Variants in TPTE observed in about 807,000 individuals in gnomAD.
TPTE encodes putative tyrosine-protein phosphatase TPTE.
A neutral mutation model predicts 84.1 loss-of-function variants in TPTE; 59 were observed. That is an observed-to-expected ratio of 0.70 (90% CI 0.57 to 0.87). TPTE has a LOEUF of 0.87. Ranked by LOEUF, TPTE falls within the 40% of genes least tolerant of loss-of-function variation. The pLI, the probability that TPTE is intolerant of heterozygous loss-of-function variation, is 0.00. For synonymous variants in TPTE, 130 were observed against 223.5 expected (o/e 0.58, Z 3.73); for missense variants, 382 against 659.6 (o/e 0.58, Z 4.61).
chr21:10,582,109 G>T (rs1336035690), intron 17 of TPTE, among the ~76,000 whole-genome samples: 1 of 152,426 alleles, frequency 6.6e-6, no homozygotes, highest in African/African-American at 2.4e-5. Context: ...TTTCTGTCAT[G>T]TTTATGAAAT....
At chr21:10,581,213 C>T (rs1364893903) in intron 17 of TPTE, among the ~76,000 whole-genome samples, 1 of 152,312 alleles carries the variant, frequency 6.6e-6, no homozygotes, top group African/African-American at 2.4e-5. Context: ...ATTTACAGTA[C>T]CATACTTAAG....
At chr21:10,532,033 T>C (rs1450364600) in intron 3 of TPTE, among the ~76,000 whole-genome samples, 1 of 152,310 alleles carries the variant, frequency 6.6e-6, no homozygotes, top group African/African-American at 2.4e-5. Flanking sequence ...TACACCTTTT[T>C]TTATTAGCAT....
chr21:10,564,827 A>C (rs572699731), intron 10 of TPTE, among the ~76,000 whole-genome samples: 302 of 152,294 alleles, frequency 2.0e-3, no homozygotes, highest in African/African-American at 6.8e-3. Context: ...CCCTAAAAAA[A>C]CTGGGTATAG....
chr21:10,533,505 C>CA (rs1448439234), intron 3 of TPTE, among the ~76,000 whole-genome samples: 1 of 152,310 alleles, frequency 6.6e-6, no homozygotes, highest in African/African-American at 2.4e-5. Flanking sequence ...TTTGTGAACT[C>CA]AGATTTTTTG....
At chr21:10,571,172 T>A (rs1345084520) in intron 14 of TPTE, among the ~76,000 whole-genome samples, 1 of 152,312 alleles carries the variant, frequency 6.6e-6, no homozygotes, top group Non-Finnish European at 1.5e-5. Context: ...ATGATGGCTC[T>A]CACAACAAGA....
intron 2 of TPTE, among the ~76,000 whole-genome samples, chr21:10,526,166 T>C (rs1235317312): frequency 1.3e-5 from 2 of 152,312 alleles, no homozygotes; most frequent in Non-Finnish European, 2.9e-5. Context: ...GTTATTGTTT[T>C]TCCTGAGACC....
At chr21:10,571,716 A>G (rs111825293) in intron 14 of TPTE, among the ~76,000 whole-genome samples, 11,272 of 139,162 alleles carry the variant, frequency 0.081, 9 homozygotes, top group African/African-American at 0.23. Context: ...AAATAAAAAT[A>G]CAATCAAGAG....
At chr21:10,545,818 T>G (rs1242646329) in intron 7 of TPTE, among the ~76,000 whole-genome samples, 1 of 151,702 alleles carries the variant, frequency 6.6e-6, no homozygotes, top group Non-Finnish European at 1.5e-5. Flanking sequence ...TGTGTATATA[T>G]ATCTATATAT....
At chr21:10,545,300 G>A (rs1409693807) in intron 7 of TPTE, among the ~76,000 whole-genome samples, 14 of 152,306 alleles carry the variant, frequency 9.2e-5, no homozygotes, top group Admixed American at 9.2e-4. Context: ...TAGTTTGTTT[G>A]TTAAGGCCCA....
At chr21:10,587,044 TTTAGTGAATGC>T in intron 17 of TPTE, among the ~76,000 whole-genome samples, 1 of 152,416 alleles carries the variant, frequency 6.6e-6, no homozygotes, top group Middle Eastern at 3.4e-3. Context: ...CAGGCTGAAT[TTTAGTGAATGC>T]TTTTTCCTGC....
At chr21:10,576,855 A>ATATG in intron 14 of TPTE, among the ~76,000 whole-genome samples, 3 of 64,790 alleles carry the variant, frequency 4.6e-5, no homozygotes, top group Non-Finnish European at 8.1e-5. Flanking sequence ...ATATATATAT[A>ATATG]TATATATATA....
At chr21:10,580,187 A>G (rs565976286) in intron 17 of TPTE, among the ~76,000 whole-genome samples, 1 of 152,430 alleles carries the variant, frequency 6.6e-6, no homozygotes, top group East Asian at 1.9e-4. Flanking sequence ...TTCTTTGCCC[A>G]TTTTCTAGAG....
At chr21:10,530,704 T>C (rs556033240) in intron 3 of TPTE, among the ~76,000 whole-genome samples, 85 of 152,398 alleles carry the variant, frequency 5.6e-4, no homozygotes, top group African/African-American at 1.8e-3. Flanking sequence ...GGCCATGGGA[T>C]TGCATATTTT....
intron 7 of TPTE, among the ~76,000 whole-genome samples, chr21:10,552,117 G>T (rs1166859039): frequency 6.6e-6 from 1 of 152,312 alleles, no homozygotes; most frequent in African/African-American, 2.4e-5. Flanking sequence ...AGCAAAAGGT[G>T]ATCATTAGCA....
intron 7 of TPTE, among the ~76,000 whole-genome samples, chr21:10,548,113 C>T (rs2074503744): frequency 6.6e-6 from 1 of 152,304 alleles, no homozygotes; most frequent in Non-Finnish European, 1.5e-5. Flanking sequence ...AGCAGGCACA[C>T]CACCGAGTGG....
intron 1 of TPTE, among the ~76,000 whole-genome samples, chr21:10,522,981 C>T (rs1185111213): frequency 7.5e-4 from 114 of 152,272 alleles, no homozygotes; most frequent in Non-Finnish European, 1.4e-3. Flanking sequence ...ATGAGTTATG[C>T]CCCCAAGTCC....
At chr21:10,522,905 A>G (rs1357446145) in intron 1 of TPTE, among the ~76,000 whole-genome samples, 4 of 152,298 alleles carry the variant, frequency 2.6e-5, no homozygotes, top group Non-Finnish European at 4.4e-5. Flanking sequence ...TAGCGAGAAT[A>G]TGAGTGTATT....
intron 17 of TPTE, among the ~76,000 whole-genome samples, chr21:10,581,548 GT>G (rs2075271360): frequency 6.6e-6 from 1 of 152,308 alleles, no homozygotes; most frequent in Non-Finnish European, 1.5e-5. Flanking sequence ...TAGTCTTGCT[GT>G]CTTCTGGTTG....
chr21:10,595,507 G>T (rs1433813413), intron 19 of TPTE, among the ~76,000 whole-genome samples: 1 of 152,312 alleles, frequency 6.6e-6, no homozygotes, highest in African/African-American at 2.4e-5. Flanking sequence ...GCAAAGTGAA[G>T]AAATTGTAGC....
Sources: allele counts gnomAD v4.1 joint callset (sites outside exome capture counted in the v4.1 genomes callset), GRCh38; gene constraint gnomAD v4.1.1; transcripts MANE v1.5; gene names NCBI Gene and HGNC (gene_info 2026-07-23, HGNC 2026-07-21).